Variants in CASD1 observed in about 807,000 individuals in gnomAD.
CASD1 encodes the protein CAS1 domain sialic acid O acetyltransferase 1.
CASD1 carries 41 observed loss-of-function variants against 100.0 expected under a neutral mutation model. The observed-to-expected ratio is 0.41, with a 90% CI of 0.32 to 0.53. CASD1 has a LOEUF of 0.53. CASD1 is among the 20% of genes least tolerant of loss of function. The pLI is 0.25. For synonymous variants in CASD1, 321 were observed against 315.6 expected (o/e 1.02, Z -0.18); for missense variants, 774 against 948.7 (o/e 0.82, Z 2.42).
intron 5 of CASD1, among the ~76,000 whole-genome samples, chr7:94,531,865 G>A (rs1562939309): frequency 2.0e-5 from 3 of 151,922 alleles, no homozygotes; most frequent in Non-Finnish European, 1.5e-5. Flanking sequence ...CTTAAGTTCC[G>A]ACTTACCTGG....
intron 16 of CASD1, chr7:94,554,115 T>C (rs547313683): frequency 6.4e-6 from 1 of 156,398 alleles, no homozygotes; most frequent in East Asian, 1.9e-4. Flanking sequence ...ACCAAGCAGA[T>C]ACTTTATGAG....
chr7:94,525,547 AAAG>A lies in CASD1; in HGVS notation c.352-1609_352-1607del, dbSNP rs535696469. On this transcript the variant is annotated intron_variant, in intron 3 of 17. Coordinates refer to ENST00000297273, the MANE Select transcript of CASD1 (RefSeq NM_022900.5). Reference sequence around the variant, plus strand: ...ATCAAACATTATATTAAAAAAGGAAAAAGAAGAAAGAGATCGAGTTGCATTAAT... The same window carrying A: ...ATCAAACATTATATTAAAAAAGGAAAAAGAAAGAGATCGAGTTGCATTAAT... 2.2e-3 allele frequency among the ~76,000 whole-genome samples: 329 copies of A among 152,328 alleles called. 1 individual carries two copies. The highest frequency in any genetic ancestry group is 3.8e-3 in the Admixed American group (58 of 15,302).
chr7:94,631,077 CAGAG>C, the CASD1 span, among the ~76,000 whole-genome samples: 4 of 151,854 alleles, frequency 2.6e-5, no homozygotes, highest in Non-Finnish European at 5.9e-5. Context: ...GGCTGTGTAA[CAGAG>C]GGAAGGAAGC....
chr7:94,628,241 G>A, the CASD1 span: 1 of 1,611,660 alleles, frequency 6.2e-7, no homozygotes, highest in Non-Finnish European at 8.5e-7. Context: ...CAGCTGTTGG[G>A]GACCCATATA....
At chr7:94,513,462 C>T (rs1373131979) in intron 1 of CASD1, among the ~76,000 whole-genome samples, 1 of 152,060 alleles carries the variant, frequency 6.6e-6, no homozygotes, top group Non-Finnish European at 1.5e-5. Context: ...TCCAGGTTCA[C>T]AATCTAAACG....
the CASD1 span, among the ~76,000 whole-genome samples, chr7:94,583,874 C>CA: frequency 2.8e-4 from 42 of 151,930 alleles, no homozygotes; most frequent in Non-Finnish European, 5.0e-4. Flanking sequence ...CAAAACAAAA[C>CA]AAAAAAACCC....
At chr7:94,530,442 ATCC>A (rs1414349612) in intron 5 of CASD1, among the ~76,000 whole-genome samples, 1 of 152,174 alleles carries the variant, frequency 6.6e-6, no homozygotes, top group Non-Finnish European at 1.5e-5. Context: ...TATGAATGAT[ATCC>A]TCAGCCATAC....
the CASD1 span, among the ~76,000 whole-genome samples, chr7:94,591,463 A>G: frequency 6.6e-6 from 1 of 152,198 alleles, no homozygotes; most frequent in Admixed American, 6.6e-5. Flanking sequence ...GAATCAACAC[A>G]TTCTGACAAA....
chr7:94,510,103 A>C lies in CASD1; in HGVS notation c.19A>C (p.Asn7His). The stretch of plus-strand genomic sequence containing the variant: ...AACCAAGATGGCGGCTCTGGCCTAC[A>C]ACCTGGGCAAGCGGGAGATCAACCA... MAALAY[N>H]LGKREINHYF... Residue 7 changes from asparagine to histidine, a missense_variant, in exon 1 of 18, where the codon AAC (asparagine) becomes CAC (histidine). Physicochemically the swap from Asn to His is moderately conservative, Grantham distance 68. Around this residue, in one of 5 missense-constraint regions of CASD1, gnomAD observed 75 missense variants for 60.9 expected, o/e 1.23. Transcript: ENST00000297273. 6.5e-7 allele frequency: 1 copy of C among 1,528,120 alleles called. No homozygotes were observed. Among genetic ancestry groups the C allele is most frequent in the Non-Finnish European group, 8.8e-7 (1 of 1,136,130 alleles). 94.7% of individuals were successfully genotyped at this position (1,528,120 alleles called of 1,614,324 possible). A position where few individuals can be genotyped will look rare whatever the true frequency, so the allele number is the denominator to read the frequency against.
chr7:94,555,326 G>A lies in CASD1; in HGVS notation c.2128-166G>A, dbSNP rs373492847. On this transcript the variant is annotated intron_variant, in intron 17 of 17. Coordinates refer to ENST00000297273, the MANE Select transcript of CASD1 (RefSeq NM_022900.5). ...ATTGTATTAGCAGTTGGAGTTCTAA[G>A]GAGTAGACTGCAGTGGACTTTTCAG... Among the ~76,000 whole-genome samples, 480 of 152,100 alleles carry A rather than the reference G, an allele frequency of 3.2e-3. 3 individuals carry two copies. The highest frequency in any genetic ancestry group is 0.011 in the African/African-American group (462 of 41,488).
chr7:94,561,627 C>T (rs533032550), downstream of CASD1, among the ~76,000 whole-genome samples: 5 of 152,068 alleles, frequency 3.3e-5, no homozygotes, highest in African/African-American at 9.6e-5. Context: ...AAGAGAACCT[C>T]GGTCAAACTC....
At chr7:94,579,218 TAAAA>T in the CASD1 span, among the ~76,000 whole-genome samples, 44 of 136,020 alleles carry the variant, frequency 3.2e-4, no homozygotes, top group Non-Finnish European at 5.9e-4. Context: ...TTTTAAATGT[TAAAA>T]AAAAAAAAAA....
the CASD1 span, among the ~76,000 whole-genome samples, chr7:94,572,799 T>C: frequency 6.6e-6 from 1 of 152,176 alleles, no homozygotes; most frequent in Non-Finnish European, 1.5e-5. Flanking sequence ...TCATGAAATC[T>C]TTGCCCATTC....
the CASD1 span, among the ~76,000 whole-genome samples, chr7:94,605,711 T>C: frequency 3.3e-5 from 5 of 151,630 alleles, no homozygotes; most frequent in Admixed American, 6.6e-5. Context: ...AAAACAATCA[T>C]AAAAAATGCT....
At chr7:94,614,107 CA>C in the CASD1 span, among the ~76,000 whole-genome samples, 1,130 of 94,906 alleles carry the variant, frequency 0.012, 6 homozygotes, top group African/African-American at 0.041. Flanking sequence ...AAATTGAAAT[CA>C]AAAAAAAAAA....
rs530770131 is a variant in CASD1 at position 94,537,380 on chromosome 7, G to C, written c.844-92G>C. The C allele has an allele frequency of 7.1e-6, 8 of 1,121,198 alleles. No individual in the cohort carries two copies. In the African/African-American group the frequency reaches 1.3e-4, roughly 18 times the overall value. The allele number at this position is 1,121,198 out of a possible 1,614,324, so 69.5% of individuals were successfully genotyped here. ...AAGATACGAAAGCATTCTGGTTTCAGTGCTAAAAACTCAGTAGTATTCACA... is the reference window on the plus strand; with the variant it reads ...AAGATACGAAAGCATTCTGGTTTCACTGCTAAAAACTCAGTAGTATTCACA... On this transcript the variant is annotated intron_variant, in intron 8 of 17. Coordinates refer to ENST00000297273, the MANE Select transcript of CASD1 (RefSeq NM_022900.5).
intron 4 of CASD1, among the ~76,000 whole-genome samples, chr7:94,527,467 C>T (rs753524287): frequency 6.6e-6 from 1 of 152,016 alleles, no homozygotes; most frequent in Non-Finnish European, 1.5e-5. Context: ...TCTGAATTCC[C>T]AATCAGTGAG....
chr7:94,618,764 T>A, the CASD1 span: 3 of 1,613,236 alleles, frequency 1.9e-6, no homozygotes, highest in African/African-American at 1.3e-5. Context: ...TTACCCCTCC[T>A]TCAGGTCATT....
chr7:94,628,703 G>A, the CASD1 span: 16 of 249,848 alleles, frequency 6.4e-5, no homozygotes, highest in East Asian at 1.0e-3. Context: ...ATTCTTTTGC[G>A]AAATATTCCG....
Sources: gnomAD v4.1 joint callset for allele counts (sites outside exome capture counted in the v4.1 genomes callset) on GRCh38, gnomAD v4.1.1 for gene constraint, gnomAD v4.1.1 regional missense constraint, MANE v1.5 for transcripts, NCBI Gene and HGNC (gene_info 2026-07-23, HGNC 2026-07-21) for gene names.